LMO7: variants seen among roughly 807,000 people sequenced by gnomAD.
LMO7 encodes LIM domain only protein 7.
A neutral mutation model predicts 206.5 loss-of-function variants in LMO7; 120 were observed. The observed-to-expected ratio is 0.58, with a 90% CI of 0.50 to 0.68. The LOEUF is 0.68. Ranked by LOEUF, LMO7 falls within the 30% of genes least tolerant of loss-of-function variation. The probability of loss-of-function intolerance (pLI) is 0.00; values close to 1 mark genes in which losing one functional copy is unlikely to be tolerated. For missense variants in LMO7, 1,959 were observed against 1,957.9 expected, an observed-to-expected ratio of 1.00 and a Z score of -0.01; for synonymous variants, 706 against 681.5, an observed-to-expected ratio of 1.04 and a Z score of -0.56.
intron 4 of LMO7, among the ~76,000 whole-genome samples, chr13:75,776,745 C>G (rs949908475): frequency 1.3e-5 from 2 of 152,174 alleles, no homozygotes; most frequent in African/African-American, 4.8e-5. Context: ...TCATGCATGT[C>G]ATACAGTTGA....
At chr13:75,832,197 G>T (rs998770218) in intron 15 of LMO7, among the ~76,000 whole-genome samples, 9 of 152,132 alleles carry the variant, frequency 5.9e-5, no homozygotes, top group African/African-American at 1.9e-4. Flanking sequence ...AGAAATTAAG[G>T]TTTGCACAGA....
intron 4 of LMO7, among the ~76,000 whole-genome samples, chr13:75,793,970 G>A (rs1019164519): frequency 6.6e-6 from 1 of 151,808 alleles, no homozygotes; most frequent in Non-Finnish European, 1.5e-5. Flanking sequence ...TTGAGAGGTT[G>A]AACTTGTGGT....
intron 17 of LMO7, among the ~76,000 whole-genome samples, chr13:75,834,704 T>A (rs1456757887): frequency 1.3e-5 from 2 of 152,206 alleles, no homozygotes; most frequent in Admixed American, 1.3e-4. Context: ...GTATTAAGAA[T>A]TATGCTATGA....
At chr13:75,753,718 G>A (rs955708674) in intron 3 of LMO7, among the ~76,000 whole-genome samples, 1 of 152,158 alleles carries the variant, frequency 6.6e-6, no homozygotes, top group Non-Finnish European at 1.5e-5. Flanking sequence ...GAAGAAGGAG[G>A]TGTTTGCTTC....
rs747737657 is a variant in LMO7 at position 75,796,695 on chromosome 13, T to C, written c.408T>C (p.Gly136=). The C allele has an allele frequency of 6.2e-7, 1 of 1,613,808 alleles. No homozygotes were observed. The highest frequency in any genetic ancestry group is 1.7e-5 in the Admixed American group (1 of 60,006). Residue 136 remains glycine, a synonymous_variant, in exon 6 of 31, where the codon GGT becomes GGC. Coordinates refer to ENST00000377534, the MANE Select transcript of LMO7 (RefSeq NM_001306080.2). ...RKAQSNPYYN[G]PHLNLKAFEN... ...CACAAAGCAACCCGTACTATAATGG[T>C]CCCCATCTTAATTTGAAAGCGTTTG...
chr13:75,647,951 C>CTTTCTTTTT (rs1555286938), intron 1 of LMO7, among the ~76,000 whole-genome samples: 14 of 91,148 alleles, frequency 1.5e-4, no homozygotes, highest in Non-Finnish European at 2.2e-4. Flanking sequence ...TCTTTTCTTT[C>CTTTCTTTTT]TTTTTTTTTT....
intron 3 of LMO7, among the ~76,000 whole-genome samples, chr13:75,752,836 A>G (rs1034691123): frequency 6.6e-6 from 1 of 152,136 alleles, no homozygotes; most frequent in Non-Finnish European, 1.5e-5. Flanking sequence ...TCCTTCATTG[A>G]TGGACACTTA....
rs138002462 is a variant in LMO7 at position 75,844,551 on chromosome 13, G to A, written c.4098-776G>A. On this transcript the variant is annotated intron_variant, in intron 25 of 30. Coordinates refer to ENST00000377534, the MANE Select transcript of LMO7 (RefSeq NM_001306080.2). Reference sequence around the variant, plus strand: ...CAGTCTCCCAAGTAACTGAGACTACGGGCGCATGCCACCACATCTAGCTTG... The same window carrying A: ...CAGTCTCCCAAGTAACTGAGACTACAGGCGCATGCCACCACATCTAGCTTG... Among the ~76,000 whole-genome samples, 640 of 151,788 alleles carry A rather than the reference G, an allele frequency of 4.2e-3. 4 individuals carry two copies. Among genetic ancestry groups the A allele is most frequent in the African/African-American group, 0.015 (618 of 41,436 alleles).
intron 2 of LMO7, among the ~76,000 whole-genome samples, chr13:75,724,388 A>G (rs2044281984): frequency 6.6e-6 from 1 of 152,160 alleles, no homozygotes; most frequent in African/African-American, 2.4e-5. Context: ...GAACAAGGGA[A>G]TACAGGCTGA....
chr13:75,819,602 T>A, intron 13 of LMO7, 67 bp downstream of exon 13: 1 of 1,399,988 alleles, frequency 7.1e-7, no homozygotes, highest in East Asian at 2.5e-5. Flanking sequence ...ATAGATATTT[T>A]ATGTAAGTGT....
At chr13:75,742,412 C>A (rs1279677805) in intron 3 of LMO7, among the ~76,000 whole-genome samples, 2 of 152,090 alleles carry the variant, frequency 1.3e-5, no homozygotes, top group East Asian at 3.8e-4. Context: ...GCCCCAATAG[C>A]CAGGGTAATT....
chr13:75,856,468 T>C, intron 29 of LMO7, 38 bp from the exon 30 acceptor site: 1 of 1,287,226 alleles, frequency 7.8e-7, no homozygotes, highest in Non-Finnish European at 1.1e-6. Flanking sequence ...TTTCTTGAGC[T>C]GACTGATTGT....
At chr13:75,629,526 G>A (rs1361133631) in intron 2 of LMO7, among the ~76,000 whole-genome samples, 1 of 152,206 alleles carries the variant, frequency 6.6e-6, no homozygotes, top group African/African-American at 2.4e-5. Context: ...AGAAAGCAAG[G>A]CAAAGGAAGG....
At chr13:75,735,023 A>G (rs1404480680) in intron 3 of LMO7, among the ~76,000 whole-genome samples, 1 of 151,782 alleles carries the variant, frequency 6.6e-6, no homozygotes, top group African/African-American at 2.4e-5. Context: ...GTGTGAACCC[A>G]GGAGGTGGAG....
At position 75,848,469 on chromosome 13, in the gene LMO7, A is replaced by ATCT. The variant is rs60147100; in HGVS notation, c.4151-610_4151-609insTCT. Among the ~76,000 whole-genome samples the ATCT allele has an allele frequency of 1.3e-3, 199 of 151,972 alleles. 1 individual carries two copies. Among genetic ancestry groups the ATCT allele is most frequent in the Non-Finnish European group, 1.7e-3 (116 of 67,992 alleles). Reference sequence around the variant, plus strand: ...TATCTATCTATCTATCTATCTATCTAACTATCTCACATTCTCTTTATCCAC... The same window carrying ATCT: ...TATCTATCTATCTATCTATCTATCTATCTACTATCTCACATTCTCTTTATCCAC... On this transcript the variant is annotated intron_variant, in intron 26 of 30. Transcript: ENST00000377534.
intron 7 of LMO7, 107 bp downstream of exon 7, chr13:75,800,989 G>A (rs993528947): frequency 9.0e-6 from 9 of 997,458 alleles, no homozygotes; most frequent in Middle Eastern, 3.1e-4. Context: ...ATTTCACTTA[G>A]AAGTGGATTT....
intron 3 of LMO7, among the ~76,000 whole-genome samples, chr13:75,747,356 C>G (rs2139338279): frequency 6.6e-6 from 1 of 152,288 alleles, no homozygotes; most frequent in South Asian, 2.1e-4. Flanking sequence ...TTCCTGTGAA[C>G]AGTGGTGTTG....
intron 1 of LMO7, among the ~76,000 whole-genome samples, chr13:75,672,994 T>C (rs1464718900): frequency 6.6e-6 from 1 of 152,216 alleles, no homozygotes; most frequent in African/African-American, 2.4e-5. Flanking sequence ...AGTTTATTTT[T>C]TCTTTTATGA....
At chr13:75,850,365 C>A (rs1272472355) in intron 27 of LMO7, among the ~76,000 whole-genome samples, 1 of 152,138 alleles carries the variant, frequency 6.6e-6, no homozygotes, top group East Asian at 1.9e-4. Flanking sequence ...ATATATCTGA[C>A]CCTCTGAGCA....
Sources: allele counts gnomAD v4.1 joint callset (sites outside exome capture counted in the v4.1 genomes callset), GRCh38; gene constraint gnomAD v4.1.1; transcripts MANE v1.5; gene names NCBI Gene and HGNC (gene_info 2026-07-23, HGNC 2026-07-21).